ZNF280D: variants seen among roughly 807,000 people sequenced by gnomAD.
ZNF280D encodes zinc finger protein 280D.
ZNF280D carries 39 observed loss-of-function variants against 94.7 expected under a neutral mutation model. The observed-to-expected ratio is 0.41, with a 90% CI of 0.32 to 0.54. The LOEUF is 0.54. Ranked by LOEUF, ZNF280D falls within the 20% of genes least tolerant of loss-of-function variation. The pLI is 0.22. For synonymous variants in ZNF280D, 398 were observed against 377.6 expected (o/e 1.05, Z -0.63); for missense variants, 1,090 against 1,149.3 (o/e 0.95, Z 0.75).
chr15:56,723,724 CA>C (rs1411460891), intron 1 of ZNF280D, among the ~76,000 whole-genome samples: 1 of 152,232 alleles, frequency 6.6e-6, no homozygotes, highest in African/African-American at 2.4e-5. Context: ...TCCATCCACT[CA>C]ATACTTGACC....
In ZNF280D at chr15:56,677,564, G is replaced by T; in HGVS notation, c.1263+10C>A. 1 of 1,568,792 alleles carries T rather than the reference G, an allele frequency of 6.4e-7. No homozygotes were observed. The highest frequency in any genetic ancestry group is 8.8e-7 in the Non-Finnish European group (1 of 1,140,938). ...CAAACACTTAAAAAAACAATAAAAT[G>T]TATGTGTACCTGGCAGACATATGGC... On this transcript the variant is annotated intron_variant, in intron 12 of 21. Coordinates refer to ENST00000267807, the MANE Select transcript of ZNF280D (RefSeq NM_017661.4).
intron 1 of ZNF280D, among the ~76,000 whole-genome samples, chr15:56,709,954 A>G (rs2141281093): frequency 6.6e-6 from 1 of 152,310 alleles, no homozygotes; most frequent in Admixed American, 6.5e-5. Flanking sequence ...ACATGTATAC[A>G]TATGTAACAA....
chr15:56,662,683 G>A (rs2054021612), intron 16 of ZNF280D, among the ~76,000 whole-genome samples: 2 of 151,850 alleles, frequency 1.3e-5, no homozygotes, highest in African/African-American at 2.4e-5. Context: ...AAATTAGCTG[G>A]GCATGTTGGC....
In ZNF280D at chr15:56,666,835, T is replaced by C. The variant is rs1250301225; in HGVS notation, c.1697A>G (p.Asn566Ser). ...NPAKSNTSKP[N>S]TVKSNASKPN... ...TTTACTTGCGTTGGATTTGACTGTA[T>C]TAGGTTTACTTGTATTAGATTTTGC... Residue 566 changes from asparagine to serine, a missense_variant, in exon 15 of 22, where the codon AAT (asparagine) becomes AGT (serine). By Grantham distance (46) the Asn-to-Ser change is conservative. Transcript: ENST00000267807. 1.2e-6 allele frequency: 2 copies of C among 1,613,964 alleles called. No homozygotes were observed. The highest frequency in any genetic ancestry group is 1.1e-5 in the South Asian group (1 of 91,076).
intron 16 of ZNF280D, among the ~76,000 whole-genome samples, chr15:56,658,782 AT>A (rs1479281127): frequency 6.6e-6 from 1 of 152,198 alleles, no homozygotes; most frequent in East Asian, 1.9e-4. Context: ...AGAACATCAA[AT>A]TACATATTTT....
chr15:56,631,279 T>C lies in ZNF280D; in HGVS notation c.*219A>G. Reference sequence around the variant, plus strand: ...AAATTTAATTATCATTAAAATCCTGTTCGTGTTTTTAAAAACTTTTTGGGA... The same window carrying C: ...AAATTTAATTATCATTAAAATCCTGCTCGTGTTTTTAAAAACTTTTTGGGA... On this transcript the variant is annotated 3_prime_UTR_variant, in exon 22 of 22. Coordinates refer to ENST00000267807, the MANE Select transcript of ZNF280D (RefSeq NM_017661.4). 1 of 463,606 alleles carries C rather than the reference T, an allele frequency of 2.2e-6. No homozygotes were observed. The highest frequency in any genetic ancestry group is 3.8e-6 in the Non-Finnish European group (1 of 261,936). The allele number at this position is 463,606 out of a possible 1,614,324, so 28.7% of individuals were successfully genotyped here. A position where few individuals can be genotyped will look rare whatever the true frequency, so the allele number is the denominator to read the frequency against.
chr15:56,693,981 G>A (rs1264380121), intron 6 of ZNF280D, among the ~76,000 whole-genome samples: 1 of 152,034 alleles, frequency 6.6e-6, no homozygotes, highest in East Asian at 1.9e-4. Context: ...AAATAAGAAT[G>A]CCAGGCAGAC....
chr15:56,660,688 AT>A (rs1400033767), intron 16 of ZNF280D, among the ~76,000 whole-genome samples: 1 of 152,154 alleles, frequency 6.6e-6, no homozygotes, highest in African/African-American at 2.4e-5. Flanking sequence ...TTTTAAAAAA[AT>A]CCCTTACTTG....
chr15:56,671,403 T>C (rs1389121238), intron 13 of ZNF280D, among the ~76,000 whole-genome samples: 3 of 152,164 alleles, frequency 2.0e-5, no homozygotes, highest in African/African-American at 7.2e-5. Context: ...GGCCAGCCAG[T>C]TTCCCAATGA....
At chr15:56,727,451 C>T (rs2058681665) in intron 1 of ZNF280D, among the ~76,000 whole-genome samples, 1 of 152,088 alleles carries the variant, frequency 6.6e-6, no homozygotes, top group South Asian at 2.1e-4. Flanking sequence ...AAGAGCAAGA[C>T]ACGGTCTCAA....
chr15:56,670,949 T>C (rs1175719425), intron 13 of ZNF280D, among the ~76,000 whole-genome samples: 1 of 152,166 alleles, frequency 6.6e-6, no homozygotes, highest in Non-Finnish European at 1.5e-5. Context: ...TGAGTTTTTT[T>C]TCATATCATT....
chr15:56,703,230 T>C (rs2057192796), intron 4 of ZNF280D, among the ~76,000 whole-genome samples: 1 of 152,182 alleles, frequency 6.6e-6, no homozygotes, highest in Non-Finnish European at 1.5e-5. Context: ...CTTAAGGATT[T>C]AAATGTACTA....
At chr15:56,648,920 C>T (rs571110367) in intron 19 of ZNF280D, among the ~76,000 whole-genome samples, 11 of 152,034 alleles carry the variant, frequency 7.2e-5, no homozygotes, top group African/African-American at 2.7e-4. Context: ...TCCTTAGGAC[C>T]AGTTCTATTT....
At chr15:56,731,506 CAAAAAAAAA>C (rs752976383) in intron 1 of ZNF280D, among the ~76,000 whole-genome samples, 3 of 80,878 alleles carry the variant, frequency 3.7e-5, no homozygotes, top group Admixed American at 1.7e-4. Context: ...GTACCTATCT[CAAAAAAAAA>C]AAAAAAAAAA....
chr15:56,700,607 G>T, intron 6 of ZNF280D: 1 of 1,197,420 alleles, frequency 8.4e-7, no homozygotes, highest in Non-Finnish European at 1.0e-6. Context: ...AAGAATACCT[G>T]GTCCCGTCTG....
At chr15:56,715,185 A>G (rs1391318885) in intron 1 of ZNF280D, among the ~76,000 whole-genome samples, 1 of 152,202 alleles carries the variant, frequency 6.6e-6, no homozygotes, top group African/African-American at 2.4e-5. Flanking sequence ...GAGTTTGAAT[A>G]AAAGCAATCA....
At chr15:56,648,101 C>T (rs2053002450) in intron 19 of ZNF280D, among the ~76,000 whole-genome samples, 1 of 152,090 alleles carries the variant, frequency 6.6e-6, no homozygotes, top group Non-Finnish European at 1.5e-5. Context: ...ATTTCCACTG[C>T]ACTGCCTCAA....
chr15:56,650,097 C>T (rs556725932), intron 19 of ZNF280D, among the ~76,000 whole-genome samples: 8 of 152,170 alleles, frequency 5.3e-5, no homozygotes, highest in African/African-American at 1.9e-4. Context: ...TCAGTGTCTA[C>T]ATTTCTAATT....
chr15:56,672,658 T>G (rs932658093), intron 13 of ZNF280D, among the ~76,000 whole-genome samples: 2 of 151,874 alleles, frequency 1.3e-5, no homozygotes, highest in Non-Finnish European at 2.9e-5. Flanking sequence ...GTTTTTTTTG[T>G]GTGTGTTTGT....
Sources: allele counts gnomAD v4.1 joint callset (sites outside exome capture counted in the v4.1 genomes callset), GRCh38; gene constraint gnomAD v4.1.1; transcripts MANE v1.5; gene names NCBI Gene and HGNC (gene_info 2026-07-23, HGNC 2026-07-21).